Variants in CACNA2D2 observed in about 807,000 individuals in gnomAD.
CACNA2D2 encodes the protein calcium voltage-gated channel auxiliary subunit alpha2delta 2.
CACNA2D2 carries 48 observed loss-of-function variants against 166.4 expected under a neutral mutation model. That is an observed-to-expected ratio of 0.29 (90% confidence interval 0.23 to 0.37). CACNA2D2 has a LOEUF of 0.37. Among genes scored for constraint, CACNA2D2 ranks in the 10% least tolerant of loss-of-function variants. CACNA2D2 has a pLI of 1.00. For synonymous variants in CACNA2D2, 561 were observed against 573.7 expected (o/e 0.98, Z 0.32); for missense variants, 1,122 against 1,433.0 (o/e 0.78, Z 3.50).
chr3:50,398,754 G>A (rs1706286944), intron 3 of CACNA2D2, among the ~76,000 whole-genome samples: 1 of 152,212 alleles, frequency 6.6e-6, no homozygotes, highest in Non-Finnish European at 1.5e-5. Context: ...GGACTGCTGA[G>A]TGGGGATGCT....
At chr3:50,497,067 A>G (rs1698754663) in intron 1 of CACNA2D2, among the ~76,000 whole-genome samples, 1 of 152,148 alleles carries the variant, frequency 6.6e-6, no homozygotes. Flanking sequence ...TCAGAACTCA[A>G]AGGGGGTCAA....
In CACNA2D2 at chr3:50,393,847, G is replaced by A. The variant is rs913823352; in HGVS notation, c.465+262C>T. Among the ~76,000 whole-genome samples the A allele has an allele frequency of 2.6e-5, 4 of 152,316 alleles. No homozygotes were observed. In the East Asian group the frequency reaches 7.7e-4, roughly 29 times the overall value. On this transcript the variant is annotated intron_variant, in intron 4 of 37. Coordinates refer to ENST00000424201, the MANE Select transcript of CACNA2D2 (RefSeq NM_006030.4). Reference sequence around the variant, plus strand: ...CTGAACACCTTATCTGGGGAACACAGGGAACACTACTTTCAAGCAGCCTTC... The same window carrying A: ...CTGAACACCTTATCTGGGGAACACAAGGAACACTACTTTCAAGCAGCCTTC...
chr3:50,490,362 CT>C (rs1698472406), intron 1 of CACNA2D2, among the ~76,000 whole-genome samples: 1 of 152,190 alleles, frequency 6.6e-6, no homozygotes. Flanking sequence ...TTCCTATCCC[CT>C]AAGGCCACAG....
At chr3:50,461,895 A>T (rs1206617752) in intron 2 of CACNA2D2, among the ~76,000 whole-genome samples, 2 of 152,334 alleles carry the variant, frequency 1.3e-5, no homozygotes, top group East Asian at 3.9e-4. Context: ...GGGAAAGGAA[A>T]TCCCAGGGAC....
intron 2 of CACNA2D2, among the ~76,000 whole-genome samples, chr3:50,462,402 T>C (rs1228609146): frequency 6.9e-6 from 1 of 144,880 alleles, no homozygotes; most frequent in Non-Finnish European, 1.5e-5. Flanking sequence ...ATAATAATAA[T>C]AATAATAATA....
chr3:50,452,277 G>A (rs948346825), intron 2 of CACNA2D2, among the ~76,000 whole-genome samples: 2 of 152,216 alleles, frequency 1.3e-5, no homozygotes, highest in East Asian at 1.9e-4. Flanking sequence ...CCAACCCTGC[G>A]TCCTTCACCC....
intron 1 of CACNA2D2, among the ~76,000 whole-genome samples, chr3:50,486,470 T>C (rs1397966719): frequency 2.0e-5 from 3 of 151,956 alleles, no homozygotes; most frequent in Non-Finnish European, 4.4e-5. Context: ...GTCCTCAACA[T>C]GGCCTCCTGC....
intron 1 of CACNA2D2, among the ~76,000 whole-genome samples, chr3:50,480,311 A>AG (rs1697990246): frequency 6.6e-6 from 1 of 152,190 alleles, no homozygotes; most frequent in African/African-American, 2.4e-5. Context: ...ATCGGTAAAC[A>AG]GGGGTAATAA....
intron 3 of CACNA2D2, among the ~76,000 whole-genome samples, chr3:50,432,118 G>A (rs1708098617): frequency 6.6e-6 from 1 of 152,170 alleles, no homozygotes; most frequent in South Asian, 2.1e-4. Flanking sequence ...AGTCCAGCAA[G>A]GGGGGTGCAG....
intron 2 of CACNA2D2, among the ~76,000 whole-genome samples, chr3:50,474,923 C>T (rs1710245204): frequency 6.6e-6 from 1 of 152,180 alleles, no homozygotes; most frequent in South Asian, 2.1e-4. Context: ...ATGGAGGCTG[C>T]TGACATCCAA....
intron 2 of CACNA2D2, among the ~76,000 whole-genome samples, chr3:50,464,865 C>T (rs1022802979): frequency 5.5e-4 from 84 of 152,240 alleles, no homozygotes; most frequent in African/African-American, 2.0e-3. Context: ...CCTCCTCTAG[C>T]GAACTGGGCT....
rs564196207 is a variant in CACNA2D2 at position 50,498,234 on chromosome 3, C to T, written c.206+4984G>A. Among the ~76,000 whole-genome samples the T allele has an allele frequency of 7.9e-5, 12 of 152,296 alleles. No individual in the cohort carries two copies. The East Asian group carries it at 2.1e-3, about 27-fold the overall frequency. ...ACCTCCAGCTGCCCCTTGGAGAGTT[C>T]CCTAGCAACAAGCCCTTGAACGCTG... is the stretch of plus-strand genomic sequence containing the variant. On this transcript the variant is annotated intron_variant, in intron 1 of 37. Transcript: ENST00000424201.
rs553559806 is a variant in CACNA2D2, at chr3:50,486,071, G to A, written c.207-9872C>T. ...CACGATGGGAACAGAAGTCCTGCCC[G>A]GGCCCATTTCACAAACGGGTAAGCT... On this transcript the variant is annotated intron_variant, in intron 1 of 37. Transcript: ENST00000424201. Among the ~76,000 whole-genome samples the A allele has an allele frequency of 1.8e-3, 263 of 149,554 alleles. 1 individual carries two copies. The highest frequency in any genetic ancestry group is 6.7e-3 in the Admixed American group (101 of 15,034).
At chr3:50,430,244 C>G (rs1363566337) in intron 3 of CACNA2D2, among the ~76,000 whole-genome samples, 1 of 152,194 alleles carries the variant, frequency 6.6e-6, no homozygotes, top group Non-Finnish European at 1.5e-5. Context: ...GCCCGCTGAG[C>G]CTCGATACCC....
chr3:50,390,460 GCCA>G, intron 4 of CACNA2D2, among the ~76,000 whole-genome samples: 1 of 152,172 alleles, frequency 6.6e-6, no homozygotes, highest in Non-Finnish European at 1.5e-5. Context: ...CCCATGAGTG[GCCA>G]CCTTCTGTCT....
At chr3:50,420,538 G>A (rs1013537352) in intron 3 of CACNA2D2, among the ~76,000 whole-genome samples, 4 of 152,346 alleles carry the variant, frequency 2.6e-5, no homozygotes, top group South Asian at 4.1e-4. Flanking sequence ...GACCCACTGC[G>A]GGGCTGTATA....
chr3:50,482,828 T>C (rs1442301436), intron 1 of CACNA2D2, among the ~76,000 whole-genome samples: 2 of 152,182 alleles, frequency 1.3e-5, no homozygotes, highest in Non-Finnish European at 2.9e-5. Flanking sequence ...CCTTCCTTCT[T>C]GCTTGTCCAT....
chr3:50,374,288 A>C, intron 22 of CACNA2D2, among the ~76,000 whole-genome samples: 1 of 49,734 alleles, frequency 2.0e-5, no homozygotes, highest in African/African-American at 8.7e-5. Context: ...GGGAGGGGAA[A>C]GGGGAGAGGA....
At chr3:50,489,602 C>T (rs575592951) in intron 1 of CACNA2D2, among the ~76,000 whole-genome samples, 149 of 129,188 alleles carry the variant, frequency 1.2e-3, no homozygotes, top group Admixed American at 2.0e-3. Flanking sequence ...GTGGGGCTGC[C>T]GGGAGCCTCC....
Sources: gnomAD v4.1 joint callset for allele counts (sites outside exome capture counted in the v4.1 genomes callset) on GRCh38, gnomAD v4.1.1 for gene constraint, MANE v1.5 for transcripts, NCBI Gene and HGNC (gene_info 2026-07-23, HGNC 2026-07-21) for gene names.